FBXL7: variants seen among roughly 807,000 people sequenced by gnomAD.
The protein encoded by FBXL7 is F-box/LRR-repeat protein 7.
A neutral mutation model predicts 38.3 loss-of-function variants in FBXL7; 12 were observed. That is an observed-to-expected ratio of 0.31 (90% CI 0.20 to 0.51). The LOEUF (loss-of-function observed/expected upper bound fraction) is 0.51, where lower values mean the gene tolerates loss of function less well. Among genes scored for constraint, FBXL7 ranks in the 20% least tolerant of loss-of-function variants. The pLI is 0.98. For synonymous variants in FBXL7, 297 were observed against 300.9 expected, an observed-to-expected ratio of 0.99 and a Z score of 0.13; for missense variants, 567 against 676.4, an observed-to-expected ratio of 0.84 and a Z score of 1.79.
chr5:15,648,295 T>G (rs891091701), intron 2 of FBXL7, among the ~76,000 whole-genome samples: 1 of 152,182 alleles, frequency 6.6e-6, no homozygotes, highest in Non-Finnish European at 1.5e-5. Context: ...TTAATTTACA[T>G]GTGAGTTGGA....
chr5:15,662,060 G>T (rs1742097965), intron 2 of FBXL7, among the ~76,000 whole-genome samples: 1 of 152,176 alleles, frequency 6.6e-6, no homozygotes, highest in Admixed American at 6.6e-5. Flanking sequence ...TAAAGGGATT[G>T]CTGGGTTGAA....
intron 2 of FBXL7, among the ~76,000 whole-genome samples, chr5:15,861,834 T>C (rs1739486822): frequency 6.6e-6 from 1 of 152,204 alleles, no homozygotes; most frequent in African/African-American, 2.4e-5. Context: ...GCTCACCCTG[T>C]TATATCCGCC....
intron 2 of FBXL7, among the ~76,000 whole-genome samples, chr5:15,861,047 A>G (rs2126807265): frequency 6.6e-6 from 1 of 152,304 alleles, no homozygotes; most frequent in South Asian, 2.1e-4. Flanking sequence ...ACAGTGGTAC[A>G]TCTGTACCCA....
At chr5:15,590,438 C>T (rs555743743) in intron 1 of FBXL7, among the ~76,000 whole-genome samples, 1 of 152,104 alleles carries the variant, frequency 6.6e-6, no homozygotes, top group East Asian at 2.0e-4. Flanking sequence ...AAAGATTCCT[C>T]ACTGCTCTCT....
intron 2 of FBXL7, among the ~76,000 whole-genome samples, chr5:15,860,323 C>G (rs1739423113): frequency 1.3e-5 from 2 of 152,200 alleles, no homozygotes; most frequent in African/African-American, 4.8e-5. Context: ...ATTTTATTTT[C>G]AATATTATTT....
chr5:15,812,814 T>C (rs1052750084), intron 2 of FBXL7, among the ~76,000 whole-genome samples: 7 of 152,082 alleles, frequency 4.6e-5, no homozygotes, highest in Non-Finnish European at 7.3e-5. Flanking sequence ...CCTTGAGTAG[T>C]GGTTTGTAGT....
intron 2 of FBXL7, among the ~76,000 whole-genome samples, chr5:15,860,937 C>T (rs1046063519): frequency 2.6e-5 from 4 of 152,142 alleles, no homozygotes; most frequent in East Asian, 3.9e-4. Flanking sequence ...ATGGTGGAAC[C>T]GCAGTTCTTA....
chr5:15,821,765 CA>C (rs1337767761), intron 2 of FBXL7, among the ~76,000 whole-genome samples: 1 of 152,212 alleles, frequency 6.6e-6, no homozygotes, highest in African/African-American at 2.4e-5. Context: ...TCATCCCCAC[CA>C]AGCTCTACTT....
chr5:15,800,830 A>T (rs1737544568), intron 2 of FBXL7, among the ~76,000 whole-genome samples: 1 of 152,164 alleles, frequency 6.6e-6, no homozygotes, highest in African/African-American at 2.4e-5. Context: ...TCCAAACCTG[A>T]AGGTCAGACA....
intron 2 of FBXL7, among the ~76,000 whole-genome samples, chr5:15,923,524 G>A (rs1345906882): frequency 1.3e-5 from 2 of 151,884 alleles, no homozygotes; most frequent in East Asian, 1.9e-4. Flanking sequence ...ACATATATAT[G>A]TATATTTTTA....
intron 2 of FBXL7, among the ~76,000 whole-genome samples, chr5:15,668,978 A>G (rs1742373094): frequency 1.3e-5 from 2 of 152,202 alleles, no homozygotes; most frequent in Non-Finnish European, 2.9e-5. Flanking sequence ...ATACATATAC[A>G]ATGCTTAGAG....
intron 2 of FBXL7, among the ~76,000 whole-genome samples, chr5:15,814,720 A>G (rs1737968957): frequency 6.6e-6 from 1 of 152,210 alleles, no homozygotes; most frequent in African/African-American, 2.4e-5. Context: ...AAATTTAATA[A>G]TTCCTTTAAT....
At chr5:15,802,819 A>G (rs1561132342) in intron 2 of FBXL7, among the ~76,000 whole-genome samples, 1 of 151,718 alleles carries the variant, frequency 6.6e-6, no homozygotes, top group East Asian at 1.9e-4. Flanking sequence ...ATGCCTGGCT[A>G]TTTTTGTATT....
At chr5:15,929,625 GAAAAAAAAAAA>G (rs60269538) in intron 3 of FBXL7, among the ~76,000 whole-genome samples, 2 of 113,520 alleles carry the variant, frequency 1.8e-5, no homozygotes, top group Non-Finnish European at 3.8e-5. Context: ...CCCTGTCTCT[GAAAAAAAAAAA>G]AAAAAAAAAG....
At chr5:15,904,443 T>C (rs903579955) in intron 2 of FBXL7, among the ~76,000 whole-genome samples, 5 of 152,212 alleles carry the variant, frequency 3.3e-5, no homozygotes, top group Non-Finnish European at 7.3e-5. Context: ...GATTCCTTGC[T>C]ATGATTATTA....
rs1742283733 is a variant in FBXL7 at position 15,939,360 on chromosome 5, CTTCCGAGTGAGCTGGTTTAA to C, written c.*2176_*2195del. ...TGTCCCTAATCCTTGGCCCTGGGGT[CTTCCGAGTGAGCTGGTTTAA>C]TACTCTGAGAATGAGCAGGGAGATC... On this transcript the variant is annotated 3_prime_UTR_variant, in exon 4 of 4. Transcript: ENST00000504595. 1 of 271,390 alleles carries C rather than the reference CTTCCGAGTGAGCTGGTTTAA, an allele frequency of 3.7e-6. No homozygotes were observed. Among genetic ancestry groups the C allele is most frequent in the African/African-American group, 2.2e-5 (1 of 45,726 alleles). The allele number at this position is 271,390 out of a possible 1,614,324, so 16.8% of individuals were successfully genotyped here.
At chr5:15,639,924 C>G (rs1741303849) in intron 2 of FBXL7, among the ~76,000 whole-genome samples, 1 of 152,058 alleles carries the variant, frequency 6.6e-6, no homozygotes, top group African/African-American at 2.4e-5. Context: ...GCTGCTTGTT[C>G]TTTTCACCCA....
At chr5:15,516,860 G>A (rs970717563) in intron 1 of FBXL7, among the ~76,000 whole-genome samples, 1 of 152,066 alleles carries the variant, frequency 6.6e-6, no homozygotes, top group Admixed American at 6.6e-5. Flanking sequence ...TTCCCCTTCT[G>A]CCGTGATTGT....
At chr5:15,694,968 T>G (rs528678235) in intron 2 of FBXL7, among the ~76,000 whole-genome samples, 1 of 152,264 alleles carries the variant, frequency 6.6e-6, no homozygotes, top group East Asian at 1.9e-4. Context: ...AAAATGTGAT[T>G]AGCTATAAAA....
Sources: gnomAD v4.1 joint callset for allele counts (sites outside exome capture counted in the v4.1 genomes callset) on GRCh38, gnomAD v4.1.1 for gene constraint, MANE v1.5 for transcripts, NCBI Gene and HGNC (gene_info 2026-07-23, HGNC 2026-07-21) for gene names.